Variants in RBFOX1 observed in about 807,000 individuals in gnomAD.
The protein encoded by RBFOX1 is RNA binding fox-1 homolog 1.
RBFOX1 carries 8 observed loss-of-function variants against 57.7 expected under a neutral mutation model. The observed-to-expected ratio is 0.14, with a 90% confidence interval of 0.08 to 0.25. The LOEUF (loss-of-function observed/expected upper bound fraction) is 0.25. Ranked by LOEUF, RBFOX1 falls within the 10% of genes least tolerant of loss-of-function variation. RBFOX1 has a pLI of 1.00. For missense variants in RBFOX1, 611 were observed against 548.5 expected (o/e 1.11, Z -1.14); for synonymous variants, 326 against 222.4 (o/e 1.47, Z -4.15).
intron 4 of RBFOX1, among the ~76,000 whole-genome samples, chr16:7,065,222 C>T (rs774905148): frequency 6.6e-6 from 1 of 152,190 alleles, no homozygotes; most frequent in Non-Finnish European, 1.5e-5. Flanking sequence ...CCCTAGCTTA[C>T]TTAGAAATTT....
chr16:7,709,209 G>T, intron 15 of RBFOX1, 78 bp downstream of exon 15: 1 of 1,340,156 alleles, frequency 7.5e-7, no homozygotes, highest in Non-Finnish European at 1.0e-6. Context: ...AGTACGGGTT[G>T]ACGTCCTCTC....
chr16:6,077,687 T>TATTTATTAATTTATTA (rs1406450162), intron 1 of RBFOX1, among the ~76,000 whole-genome samples: 1 of 138,844 alleles, frequency 7.2e-6, no homozygotes, highest in Non-Finnish European at 1.6e-5. Flanking sequence ...CTTTTATTTT[T>TATTTATTAATTTATTA]ACTTATTTAT....
intron 3 of RBFOX1, among the ~76,000 whole-genome samples, chr16:6,764,614 C>G (rs538386384): frequency 1.3e-5 from 2 of 152,056 alleles, no homozygotes; most frequent in Non-Finnish European, 2.9e-5. Flanking sequence ...AAAGAGTAAA[C>G]AAAACAATTA....
chr16:6,847,990 C>T (rs544712711), intron 3 of RBFOX1, among the ~76,000 whole-genome samples: 7 of 152,028 alleles, frequency 4.6e-5, no homozygotes, highest in Admixed American at 1.3e-4. Flanking sequence ...CCACCATGCC[C>T]GGCTAATTTT....
intron 3 of RBFOX1, among the ~76,000 whole-genome samples, chr16:6,980,151 T>G (rs2088314648): frequency 6.6e-6 from 1 of 152,154 alleles, no homozygotes; most frequent in South Asian, 2.1e-4. Context: ...TAATCCCTCT[T>G]CAATTAAGCC....
At chr16:7,044,991 G>T (rs973074017) in intron 3 of RBFOX1, among the ~76,000 whole-genome samples, 7 of 152,180 alleles carry the variant, frequency 4.6e-5, no homozygotes, top group African/African-American at 1.7e-4. Flanking sequence ...GATGAGCAAG[G>T]TTGCAGCCGA....
intron 3 of RBFOX1, among the ~76,000 whole-genome samples, chr16:6,954,747 C>T (rs527733509): frequency 1.3e-5 from 2 of 152,050 alleles, no homozygotes; most frequent in African/African-American, 4.8e-5. Flanking sequence ...AGAACATGCC[C>T]TCCAGAGGAT....
rs113932734 is a variant in RBFOX1 at position 7,100,536 on chromosome 16, G to A, written c.27+48438G>A. Reference sequence around the variant, plus strand: ...TAAACATTTTCTAGTGTTACTGATGGTTTGGGAAAACATGGGTTTTTAAAG... The same window carrying A: ...TAAACATTTTCTAGTGTTACTGATGATTTGGGAAAACATGGGTTTTTAAAG... On this transcript the variant is annotated intron_variant, in intron 4 of 15. Coordinates refer to ENST00000550418, the MANE Select transcript of RBFOX1 (RefSeq NM_018723.4). Among the ~76,000 whole-genome samples, 502 of 146,242 alleles carry A rather than the reference G, an allele frequency of 3.4e-3. 3 individuals are homozygous for A. Among genetic ancestry groups the A allele is most frequent in the African/African-American group, 0.012 (470 of 39,720 alleles).
chr16:6,665,620 C>T (rs1457195827), intron 3 of RBFOX1, among the ~76,000 whole-genome samples: 7 of 119,972 alleles, frequency 5.8e-5, no homozygotes, highest in East Asian at 2.3e-4. Flanking sequence ...AGTGAAACTC[C>T]ATCTCCAAAA....
chr16:7,692,775 T>C (rs2147539039), intron 14 of RBFOX1, among the ~76,000 whole-genome samples: 1 of 152,296 alleles, frequency 6.6e-6, no homozygotes, highest in African/African-American at 2.4e-5. Flanking sequence ...TAGGGTTTAT[T>C]TCAATTGACA....
rs1327840778 is a variant in RBFOX1 at position 7,594,233 on chromosome 16, G to C, written c.469-1316G>C. ...ATTATAGAGAACTAATGTAGGACTG[G>C]GAGTTATCACCAGTTGGTTATAACT... On this transcript the variant is annotated intron_variant, in intron 7 of 15. Transcript: ENST00000550418. Among the ~76,000 whole-genome samples the C allele has an allele frequency of 5.3e-5, 8 of 151,958 alleles. No homozygotes were observed. In the East Asian group the frequency reaches 1.6e-3, roughly 29 times the overall value.
chr16:5,667,242 C>T (rs1240031632), intron 3 of RBFOX1, among the ~76,000 whole-genome samples: 1 of 152,198 alleles, frequency 6.6e-6, no homozygotes, highest in African/African-American at 2.4e-5. Flanking sequence ...TCTCCACTCT[C>T]TCCACCCCCA....
At chr16:7,535,800 C>G (rs1314122649) in intron 5 of RBFOX1, among the ~76,000 whole-genome samples, 3 of 152,290 alleles carry the variant, frequency 2.0e-5, no homozygotes, top group East Asian at 1.9e-4. Flanking sequence ...AAGCTATAAA[C>G]TTTTTGAGGG....
At chr16:6,853,361 C>A (rs1013069157) in intron 3 of RBFOX1, among the ~76,000 whole-genome samples, 2 of 152,060 alleles carry the variant, frequency 1.3e-5, no homozygotes, top group African/African-American at 4.8e-5. Context: ...TTGTAGCATA[C>A]CCTAAGGGTT....
At chr16:6,017,609 T>G (rs1193891598), upstream of RBFOX1, among the ~76,000 whole-genome samples, 1 of 152,202 alleles carries the variant, frequency 6.6e-6, no homozygotes, top group Non-Finnish European at 1.5e-5. Flanking sequence ...GCAAAATCGC[T>G]GGGACCAATG....
intron 2 of RBFOX1, chr16:6,483,734 G>T: frequency 7.0e-7 from 1 of 1,429,702 alleles, no homozygotes; most frequent in East Asian, 2.6e-5. Flanking sequence ...GACATTTTTG[G>T]CTGCCTGTGG....
Position 6,626,598 on chromosome 16 carries a change from A to G in RBFOX1, c.-63-28005A>G, listed in dbSNP as rs949467666. ...AACATGGTGAAACCCTGTCTCTACT[A>G]AAAATACAGAAATTAGCTAGGTATG... On this transcript the variant is annotated intron_variant, in intron 2 of 15. Transcript: ENST00000550418. Among the ~76,000 whole-genome samples, 12 of 152,176 alleles carry G rather than the reference A, an allele frequency of 7.9e-5. No homozygotes were observed. The East Asian group carries it at 1.2e-3, about 15-fold the overall frequency.
At chr16:7,170,295 T>A (rs2080428923) in intron 4 of RBFOX1, among the ~76,000 whole-genome samples, 1 of 152,176 alleles carries the variant, frequency 6.6e-6, no homozygotes, top group Admixed American at 6.5e-5. Flanking sequence ...TTTTTAGAGA[T>A]GGTGTCTTGC....
At chr16:7,316,688 G>A (rs778320446) in intron 4 of RBFOX1, among the ~76,000 whole-genome samples, 1 of 152,138 alleles carries the variant, frequency 6.6e-6, no homozygotes, top group Non-Finnish European at 1.5e-5. Context: ...ATTCAGGGGT[G>A]AGGGAAGCTT....
Sources: allele counts gnomAD v4.1 joint callset (sites outside exome capture counted in the v4.1 genomes callset), GRCh38; gene constraint gnomAD v4.1.1; transcripts MANE v1.5; gene names NCBI Gene and HGNC (gene_info 2026-07-23, HGNC 2026-07-21).